Variants in IGLL1 observed in about 807,000 individuals in gnomAD.
IGLL1 encodes the protein immunoglobulin lambda like polypeptide 1.
Under a neutral mutation model 10.5 loss-of-function variants are expected in IGLL1, and 10 were observed. The ratio of observed to expected loss-of-function variants is 0.95; its 90% CI spans 0.59 to 1.62. The LOEUF is 1.62. Among genes scored for constraint, IGLL1 ranks in the 40% most tolerant of loss-of-function variants. The probability of loss-of-function intolerance (pLI) is 0.00; values close to 1 mark genes in which losing one functional copy is unlikely to be tolerated. For synonymous variants in IGLL1, 141 were observed against 122.7 expected (o/e 1.15, Z -0.99); for missense variants, 284 against 278.7 (o/e 1.02, Z -0.14).
At position 23,578,032 on chromosome 22, in the gene IGLL1, C is replaced by T. The variant is rs556036163; in HGVS notation, c.206+1953G>A. On this transcript the variant is annotated intron_variant, in intron 1 of 2. Coordinates refer to ENST00000330377, the MANE Select transcript of IGLL1 (RefSeq NM_020070.4). ...CCGAGTAGCTGGGACTATAGGCTCG[C>T]GCCACCACGCCCAGCTAGTTTTTGT... Among the ~76,000 whole-genome samples the T allele has an allele frequency of 3.2e-3, 492 of 152,016 alleles. 4 individuals carry two copies. Among genetic ancestry groups the T allele is most frequent in the Non-Finnish European group, 3.7e-3 (249 of 67,960 alleles).
chr22:23,576,056 T>A (rs7285345), intron 1 of IGLL1, among the ~76,000 whole-genome samples: 1 of 152,048 alleles, frequency 6.6e-6, no homozygotes, highest in African/African-American at 2.4e-5. Flanking sequence ...AGCTCCTCAA[T>A]TGCCTACTGA....
In IGLL1 at chr22:23,580,000, C is replaced by A; in HGVS notation, c.191G>T (p.Arg64Met). Residue 64 changes from arginine to methionine, a missense_variant, in exon 1 of 3, where the codon AGG becomes ATG. Physicochemically the swap from Arg to Met is moderately conservative, Grantham distance 91. Coordinates refer to ENST00000330377, the MANE Select transcript of IGLL1 (RefSeq NM_020070.4). ...CACCCCTTACCTGCCCCACCGGCTC[C>A]TCAGGCTGGACCGGCTGCTTCCTCC... ...APGGSSRSSL[R>M]SRWGRFLLQR... 6.3e-7 allele frequency: 1 copy of A among 1,584,286 alleles called. No homozygotes were observed. Among genetic ancestry groups the A allele is most frequent in the Admixed American group, 1.8e-5 (1 of 56,902 alleles).
rs1474157779 is a variant in IGLL1, at chr22:23,580,169, C to T, written c.22G>A (p.Gly8Arg). 6.5e-7 allele frequency: 1 copy of T among 1,543,614 alleles called. No individual in the cohort carries two copies. Among genetic ancestry groups the T allele is most frequent in the South Asian group, 1.2e-5 (1 of 84,216 alleles). The change falls in exon 1 of 3, where the codon GGG (glycine) becomes AGG (arginine). Residue 8 changes from glycine (G) to arginine (R), a missense_variant. Transcript: ENST00000330377. ...GGCTCACCAGGGGCCTCAAGGCCCCCCTGGCCTGTCCCTGGCCTCATCGGC... is the reference window on the plus strand; with the variant it reads ...GGCTCACCAGGGGCCTCAAGGCCCCTCTGGCCTGTCCCTGGCCTCATCGGC... MRPGTGQ[G>R]GLEAPGEPGP... is the part of the protein sequence containing the mutation.
chr22:23,579,869 G>T, intron 1 of IGLL1, 116 bp downstream of exon 1: 1 of 753,118 alleles, frequency 1.3e-6, no homozygotes, highest in Non-Finnish European at 2.1e-6. Flanking sequence ...AGTGTCTGTG[G>T]CTCCCCTCCA....
intron 1 of IGLL1, among the ~76,000 whole-genome samples, chr22:23,578,806 C>A (rs1026494611): frequency 2.6e-5 from 4 of 151,858 alleles, no homozygotes; most frequent in Admixed American, 6.6e-5. Context: ...AAAAAATACA[C>A]AAAATTAGCC....
Position 23,573,493 on chromosome 22 carries a change from C to A in IGLL1, c.415G>T (p.Asp139Tyr). The A allele has an allele frequency of 1.9e-6, 3 of 1,613,890 alleles. No individual in the cohort carries two copies. The highest frequency in any genetic ancestry group is 1.7e-6 in the Non-Finnish European group (2 of 1,179,816). ...NKATLVCLMN[D>Y]FYPGILTVTW... ...ACCGTCAAGATTCCCGGATAAAAGTCATTCATGAGACACACCAGTGTAGCC... is the reference window on the plus strand; with the variant it reads ...ACCGTCAAGATTCCCGGATAAAAGTAATTCATGAGACACACCAGTGTAGCC... Residue 139 changes from aspartate (D) to tyrosine (Y), a missense_variant, in exon 3 of 3, where the codon GAC becomes TAC. Physicochemically the swap from Asp to Tyr is radical, Grantham distance 160. Transcript: ENST00000330377.
intron 1 of IGLL1, among the ~76,000 whole-genome samples, chr22:23,576,918 C>T (rs1487045851): frequency 1.3e-5 from 2 of 152,170 alleles, no homozygotes; most frequent in East Asian, 3.8e-4. Context: ...CCCCCTCACC[C>T]TGCTAACCTC....
At chr22:23,579,148 G>A (rs564162628) in intron 1 of IGLL1, among the ~76,000 whole-genome samples, 346 of 152,114 alleles carry the variant, frequency 2.3e-3, no homozygotes, top group Middle Eastern at 0.01. Flanking sequence ...CTCTATCCCC[G>A]TCTGCACAAA....
intron 2 of IGLL1, among the ~76,000 whole-genome samples, chr22:23,573,826 C>T (rs1322922409): frequency 6.6e-6 from 1 of 152,136 alleles, no homozygotes; most frequent in Non-Finnish European, 1.5e-5. Context: ...CAGCCCTTTC[C>T]TCTGCAGCCT....
At chr22:23,579,885 TA>T (rs1051391151) in intron 1 of IGLL1, 99 bp downstream of exon 1, 1 of 950,400 alleles carries the variant, frequency 1.1e-6, no homozygotes, top group African/African-American at 1.7e-5. Flanking sequence ...CTCCAGGGAT[TA>T]ACCTTCCTCC....
chr22:23,573,729 C>T lies in IGLL1; in HGVS notation c.323-144G>A, dbSNP rs533783906. The T allele has an allele frequency of 5.8e-4, 387 of 665,216 alleles. 6 individuals carry two copies. The South Asian group carries it at 7.0e-3, about 12-fold the overall frequency. 41.2% of individuals were successfully genotyped at this position (665,216 alleles called of 1,614,324 possible). ...GCCTCTCCTTCCCTCCTCATTCCCT[C>T]CTTTCCACTGGAGCCCTCTGGAGAG... On this transcript the variant is annotated intron_variant, in intron 2 of 2. Coordinates refer to ENST00000330377, the MANE Select transcript of IGLL1 (RefSeq NM_020070.4).
chr22:23,575,837 G>A (rs1223855868), intron 1 of IGLL1, among the ~76,000 whole-genome samples: 2 of 152,196 alleles, frequency 1.3e-5, no homozygotes, highest in Non-Finnish European at 2.9e-5. Flanking sequence ...GCGACACAGG[G>A]CTGGCCCCTC....
At position 23,573,240 on chromosome 22, in the gene IGLL1, CT is replaced by C; in HGVS notation, c.*25del. The C allele has an allele frequency of 1.2e-6, 2 of 1,612,472 alleles. No individual in the cohort carries two copies. Among genetic ancestry groups the C allele is most frequent in the Non-Finnish European group, 1.7e-6 (2 of 1,178,748 alleles). On this transcript the variant is annotated 3_prime_UTR_variant, in exon 3 of 3. Coordinates refer to ENST00000330377, the MANE Select transcript of IGLL1 (RefSeq NM_020070.4). ...CCTGGGATCCTGCAGCTCCAGGCCCCTTTGGGTGGGGTCGGGGCTGGGAACC... is the reference window on the plus strand; with the variant it reads ...CCTGGGATCCTGCAGCTCCAGGCCCCTTGGGTGGGGTCGGGGCTGGGAACC...
intron 1 of IGLL1, 22 bp downstream of exon 1, chr22:23,579,963 C>T (rs1332212878): frequency 3.9e-6 from 6 of 1,556,818 alleles, no homozygotes; most frequent in East Asian, 2.3e-5. Context: ...CCCCACATCC[C>T]CTGGAATCTC....
At chr22:23,574,140 GGCT>G (rs1408770502) in intron 2 of IGLL1, among the ~76,000 whole-genome samples, 2 of 141,300 alleles carry the variant, frequency 1.4e-5, no homozygotes, top group Admixed American at 1.3e-4. Context: ...GGGTTCTTGG[GGCT>G]GCTCCCCCAG....
chr22:23,577,656 C>A (rs1046163060), intron 1 of IGLL1, among the ~76,000 whole-genome samples: 10 of 150,934 alleles, frequency 6.6e-5, no homozygotes, highest in Non-Finnish European at 1.2e-4. Context: ...TCTCACCAGC[C>A]TCCTAAGTAG....
In IGLL1 at chr22:23,573,249, G is replaced by A; in HGVS notation, c.*17C>T. ...CTGCAGCTCCAGGCCCCTTTGGGTG[G>A]GGTCGGGGCTGGGAACCTATGAACA... is the stretch of plus-strand genomic sequence containing the variant. On this transcript the variant is annotated 3_prime_UTR_variant, in exon 3 of 3. Transcript: ENST00000330377. 6.2e-7 allele frequency: 1 copy of A among 1,612,116 alleles called. No individual in the cohort carries two copies. The highest frequency in any genetic ancestry group is 8.5e-7 in the Non-Finnish European group (1 of 1,178,342).
chr22:23,576,110 G>T (rs8139361), intron 1 of IGLL1, among the ~76,000 whole-genome samples: 3,954 of 151,984 alleles, frequency 0.026, 67 homozygotes, highest in South Asian at 0.044. Context: ...AACTAATCAC[G>T]TCCAGAGGAG....
chr22:23,573,387 G>T lies in IGLL1; in HGVS notation c.521C>A (p.Ala174Glu), dbSNP rs1064419. 1 of 1,584,212 alleles carries T rather than the reference G, an allele frequency of 6.3e-7. No homozygotes were observed. Residue 174 changes from alanine to glutamate, a missense_variant, in exon 3 of 3, where the codon GCG becomes GAG. Coordinates refer to ENST00000330377, the MANE Select transcript of IGLL1 (RefSeq NM_020070.4). ...CGTCAGGCTCAGGTAGCTGCTGGCC[G>T]CGTACTTGTTGTTGCTCTGTTTGGA... ...TPSKQSNNKY[A>E]ASSYLSLTPE...
Sources: gnomAD v4.1 joint callset for allele counts (sites outside exome capture counted in the v4.1 genomes callset) on GRCh38, gnomAD v4.1.1 for gene constraint, MANE v1.5 for transcripts, NCBI Gene and HGNC (gene_info 2026-07-23, HGNC 2026-07-21) for gene names.